GMDS: variants seen among roughly 807,000 people sequenced by gnomAD.
GMDS encodes GDP-mannose 4,6 dehydratase.
In GMDS, 20 loss-of-function variants were observed where a neutral mutation model predicts 49.9. The observed-to-expected ratio is 0.40, with a 90% CI of 0.28 to 0.58. GMDS has a LOEUF of 0.58. Ranked by LOEUF, GMDS falls within the 20% of genes least tolerant of loss-of-function variation. The pLI is 0.42. For synonymous variants in GMDS, 177 were observed against 178.6 expected, an observed-to-expected ratio of 0.99 and a Z score of 0.07; for missense variants, 362 against 481.4, an observed-to-expected ratio of 0.75 and a Z score of 2.32.
rs116470204 is a variant in GMDS at position 2,144,753 on chromosome 6, G to A, written c.103-20022C>T. On this transcript the variant is annotated intron_variant, in intron 1 of 10. Coordinates refer to ENST00000380815, the MANE Select transcript of GMDS (RefSeq NM_001500.4). ...TCATAATATATAGAAAATAAAAACC[G>A]TAAATAATACACCAGACTACCTGAC... 5.7e-3 allele frequency among the ~76,000 whole-genome samples: 866 copies of A among 152,280 alleles called. 2 individuals are homozygous for A. The highest frequency in any genetic ancestry group is 0.017 in the Middle Eastern group (5 of 294).
At chr6:2,071,240 C>T (rs495550) in intron 4 of GMDS, among the ~76,000 whole-genome samples, 94,021 of 151,992 alleles carry the variant, frequency 0.62, 29,415 homozygotes, top group African/African-American at 0.71. Flanking sequence ...AAACCCAAAT[C>T]AGAAATTTTT....
At chr6:2,220,381 T>G (rs1780529769) in intron 1 of GMDS, among the ~76,000 whole-genome samples, 1 of 152,244 alleles carries the variant, frequency 6.6e-6, no homozygotes, top group South Asian at 2.1e-4. Context: ...TGATGCTCTG[T>G]GCTGCTTGGT....
chr6:1,878,455 C>T (rs911105445), intron 7 of GMDS, among the ~76,000 whole-genome samples: 3 of 151,986 alleles, frequency 2.0e-5, no homozygotes, highest in Admixed American at 1.3e-4. Flanking sequence ...ATGCTGACAA[C>T]CAAAGGGGGA....
At chr6:1,761,588 C>T (rs147269106) in intron 7 of GMDS, among the ~76,000 whole-genome samples, 108 of 152,318 alleles carry the variant, frequency 7.1e-4, no homozygotes, top group African/African-American at 2.6e-3. Flanking sequence ...GCATTTTTCA[C>T]ATGCATTTCA....
At chr6:1,659,960 G>A (rs1373276157) in intron 9 of GMDS, among the ~76,000 whole-genome samples, 7 of 151,344 alleles carry the variant, frequency 4.6e-5, no homozygotes, top group East Asian at 2.0e-4. Flanking sequence ...TTTTAAACCT[G>A]GGCTCCCTGT....
intron 9 of GMDS, 152 bp from the exon 10 acceptor site, chr6:1,624,692 T>TG: frequency 1.6e-6 from 1 of 623,040 alleles, no homozygotes; most frequent in South Asian, 2.0e-5. Flanking sequence ...CGCGTTCAGT[T>TG]GCGGCTCTCG....
chr6:2,216,128 A>G (rs1208299529), intron 1 of GMDS, among the ~76,000 whole-genome samples: 1 of 152,230 alleles, frequency 6.6e-6, no homozygotes, highest in African/African-American at 2.4e-5. Context: ...GTTTAAATAA[A>G]TAAGGCTGCC....
intron 9 of GMDS, among the ~76,000 whole-genome samples, chr6:1,707,024 GTC>G (rs1765764687): frequency 6.6e-6 from 1 of 152,202 alleles, no homozygotes; most frequent in African/African-American, 2.4e-5. Flanking sequence ...GCCTTCCGAA[GTC>G]TCTTGCTGTC....
intron 4 of GMDS, among the ~76,000 whole-genome samples, chr6:2,105,275 A>C (rs1340113106): frequency 2.6e-5 from 4 of 152,138 alleles, no homozygotes; most frequent in Admixed American, 6.5e-5. Flanking sequence ...ACAGATGAAA[A>C]AATTATTTAC....
rs1406890980 is a variant in GMDS, at chr6:2,245,373, C to G, written c.50G>C (p.Gly17Ala). 1 of 1,551,012 alleles carries G rather than the reference C, an allele frequency of 6.4e-7. No individual in the cohort carries two copies. The highest frequency in any genetic ancestry group is 1.2e-5 in the South Asian group (1 of 85,282). The change falls in exon 1 of 11, where the codon GGC becomes GCC. Residue 17 changes from glycine (G) to alanine (A), a missense_variant. Transcript: ENST00000380815. ...RCPSARGSGD[G>A]EMGKPRNVAL... ...CACGTTCCTGGGCTTGCCCATCTCG[C>G]CGTCCCCGGAGCCCCGGGCGCTGGG...
At chr6:1,884,026 G>T (rs1247081349) in intron 7 of GMDS, among the ~76,000 whole-genome samples, 9 of 152,126 alleles carry the variant, frequency 5.9e-5, no homozygotes, top group Non-Finnish European at 1.3e-4. Context: ...AACTAGTAAA[G>T]ATTTTGATTT....
chr6:1,624,444 G>T (rs758153439), intron 10 of GMDS, 28 bp downstream of exon 10: 2 of 1,598,854 alleles, frequency 1.3e-6, no homozygotes, highest in South Asian at 1.1e-5. Flanking sequence ...CCCCGCAGCG[G>T]GCGGCGTGCG....
chr6:1,923,620 G>A (rs556657785), intron 7 of GMDS, among the ~76,000 whole-genome samples: 12 of 152,242 alleles, frequency 7.9e-5, no homozygotes, highest in South Asian at 4.2e-4. Flanking sequence ...GCAGCCAGCC[G>A]GATCCCGCAC....
intron 4 of GMDS, among the ~76,000 whole-genome samples, chr6:2,007,051 A>G (rs1328190184): frequency 6.6e-6 from 1 of 152,234 alleles, no homozygotes; most frequent in Non-Finnish European, 1.5e-5. Flanking sequence ...GTACTCTTAT[A>G]AACACAATAG....
At chr6:1,996,109 TCTCCTTCCTCCTCCTTC>T (rs996813851) in intron 4 of GMDS, among the ~76,000 whole-genome samples, 2 of 151,816 alleles carry the variant, frequency 1.3e-5, no homozygotes, top group African/African-American at 4.8e-5. Context: ...TCCTTCTCCT[TCTCCTTCCTCCTCCTTC>T]CTCCTTCCTC....
rs181576130 is a variant in GMDS at position 2,139,230 on chromosome 6, T to G, written c.103-14499A>C. On this transcript the variant is annotated intron_variant, in intron 1 of 10. Coordinates refer to ENST00000380815, the MANE Select transcript of GMDS (RefSeq NM_001500.4). Reference sequence around the variant, plus strand: ...AAAAATTTAAAACAAACATTTCAATTTAATTACTAATGATAATGTACTTGC... The same window carrying G: ...AAAAATTTAAAACAAACATTTCAATGTAATTACTAATGATAATGTACTTGC... Among the ~76,000 whole-genome samples, 756 of 146,206 alleles carry G rather than the reference T, an allele frequency of 5.2e-3. 9 individuals are homozygous for G. Among genetic ancestry groups the G allele is most frequent in the African/African-American group, 0.017 (714 of 41,146 alleles).
At chr6:1,912,360 T>G (rs767657324) in intron 7 of GMDS, among the ~76,000 whole-genome samples, 3 of 150,980 alleles carry the variant, frequency 2.0e-5, no homozygotes, top group East Asian at 1.9e-4. Context: ...AGTGAGACTT[T>G]GTCTAAAAAA....
chr6:1,743,511 C>G (rs1767362327), intron 7 of GMDS, among the ~76,000 whole-genome samples: 1 of 137,316 alleles, frequency 7.3e-6, no homozygotes, highest in Non-Finnish European at 1.6e-5. Flanking sequence ...CCACTGCACT[C>G]CAGCCTGGAC....
chr6:1,881,122 C>G (rs577420795), intron 7 of GMDS, among the ~76,000 whole-genome samples: 2 of 152,072 alleles, frequency 1.3e-5, no homozygotes, highest in Non-Finnish European at 2.9e-5. Flanking sequence ...AAAAGACATT[C>G]AACTATTAAT....
Sources: allele counts gnomAD v4.1 joint callset (sites outside exome capture counted in the v4.1 genomes callset), GRCh38; gene constraint gnomAD v4.1.1; transcripts MANE v1.5; gene names NCBI Gene and HGNC (gene_info 2026-07-23, HGNC 2026-07-21).